Variants in UBE2D3 observed in about 807,000 individuals in gnomAD.
The protein encoded by UBE2D3 is ubiquitin-conjugating enzyme E2 D3.
Under a neutral mutation model 22.8 loss-of-function variants are expected in UBE2D3, and 2 were observed. That is an observed-to-expected ratio of 0.09 (90% confidence interval 0.04 to 0.28). The LOEUF is 0.28. UBE2D3 is among the 10% of genes least tolerant of loss of function. The probability of loss-of-function intolerance (pLI) is 1.00; values close to 1 mark genes in which losing one functional copy is unlikely to be tolerated. For missense variants in UBE2D3, 27 were observed against 182.5 expected, an observed-to-expected ratio of 0.15 and a Z score of 4.91; for synonymous variants, 56 against 60.4, an observed-to-expected ratio of 0.93 and a Z score of 0.34.
chr4:102,812,150 A>C (rs1273533519), intron 2 of UBE2D3: 1 of 159,564 alleles, frequency 6.3e-6, no homozygotes, highest in East Asian at 1.9e-4. Context: ...TAATTTAACA[A>C]GGCATAGTGG....
chr4:102,811,891 CT>C (rs1560856644), intron 2 of UBE2D3: 3 of 351,580 alleles, frequency 8.5e-6, no homozygotes, highest in Non-Finnish European at 5.5e-6. Context: ...CCAGTATCAA[CT>C]GTCTACCACA....
chr4:102,834,761 AG>A (rs1256760689), intron 1 of UBE2D3, among the ~76,000 whole-genome samples: 1 of 151,426 alleles, frequency 6.6e-6, no homozygotes, highest in Non-Finnish European at 1.5e-5. Context: ...AAAAAAAAAA[AG>A]ATTCAACTTT....
intron 2 of UBE2D3, chr4:102,810,677 T>TATAGTCTGCACAATTCAATATGA (rs1453372100): frequency 6.6e-6 from 1 of 152,240 alleles, no homozygotes; most frequent in African/African-American, 2.4e-5. Context: ...GCTCTTAACA[T>TATAGTCTGCACAATTCAATATGA]ATAGTCTGCA....
At chr4:102,849,204 CA>C (rs58647832) in intron 1 of UBE2D3, among the ~76,000 whole-genome samples, 17 of 143,646 alleles carry the variant, frequency 1.2e-4, no homozygotes, top group East Asian at 8.1e-4. Flanking sequence ...CCCACTTCTA[CA>C]AAAAAAAAAC....
At chr4:102,850,907 T>C (rs950260318) in intron 1 of UBE2D3, among the ~76,000 whole-genome samples, 1 of 148,632 alleles carries the variant, frequency 6.7e-6, no homozygotes, top group Non-Finnish European at 1.5e-5. Flanking sequence ...TTAAGAATGA[T>C]ACAGTGGACT....
chr4:102,848,184 C>T (rs1298142103), intron 1 of UBE2D3, among the ~76,000 whole-genome samples: 8 of 152,064 alleles, frequency 5.3e-5, no homozygotes, highest in Non-Finnish European at 1.0e-4. Context: ...ACCTGCTTCA[C>T]TTGATTTCAT....
At chr4:102,823,418 C>A (rs1340097128) in intron 2 of UBE2D3, among the ~76,000 whole-genome samples, 1 of 152,030 alleles carries the variant, frequency 6.6e-6, no homozygotes, top group African/African-American at 2.4e-5. Flanking sequence ...GTTTTTTAAC[C>A]CTTTACCCAT....
intron 1 of UBE2D3, among the ~76,000 whole-genome samples, chr4:102,867,519 G>C (rs1172481049): frequency 6.6e-6 from 1 of 152,176 alleles, no homozygotes; most frequent in Non-Finnish European, 1.5e-5. Flanking sequence ...GTCATAGCAA[G>C]AAAGTTATTT....
At chr4:102,868,879 C>A (rs1023627434), upstream of UBE2D3, 3 of 1,497,160 alleles carry the variant, frequency 2.0e-6, no homozygotes, top group East Asian at 2.4e-5. Context: ...AGTTCCCGCG[C>A]CTCGGCAGTC....
intron 1 of UBE2D3, among the ~76,000 whole-genome samples, chr4:102,848,147 T>C (rs223361): frequency 0.37 from 56,568 of 152,026 alleles, 10,644 homozygotes; most frequent in African/African-American, 0.44. Flanking sequence ...TTATAATTAC[T>C]ATGGTTATCA....
chr4:102,858,762 TATG>T (rs1732742611), intron 1 of UBE2D3, among the ~76,000 whole-genome samples: 1 of 151,968 alleles, frequency 6.6e-6, no homozygotes, highest in African/African-American at 2.4e-5. Context: ...TCTAATCATT[TATG>T]ATAATAACAA....
intron 1 of UBE2D3, among the ~76,000 whole-genome samples, chr4:102,847,017 T>G (rs1732071075): frequency 6.6e-6 from 1 of 152,106 alleles, no homozygotes; most frequent in South Asian, 2.1e-4. Context: ...ACTGAAAGCC[T>G]CTATGCATAG....
At chr4:102,798,577 T>C (rs968007868) in intron 7 of UBE2D3, among the ~76,000 whole-genome samples, 4 of 151,402 alleles carry the variant, frequency 2.6e-5, no homozygotes, top group Non-Finnish European at 5.9e-5. Flanking sequence ...CTTACATTAC[T>C]ATCTCCCGGC....
upstream of UBE2D3, among the ~76,000 whole-genome samples, chr4:102,830,647 T>A (rs977526412): frequency 1.3e-5 from 2 of 152,216 alleles, no homozygotes; most frequent in African/African-American, 4.8e-5. Context: ...AACGATCACT[T>A]GAGCCCAGGA....
chr4:102,829,423 C>G (rs1730984624), upstream of UBE2D3, among the ~76,000 whole-genome samples: 1 of 152,176 alleles, frequency 6.6e-6, no homozygotes, highest in Non-Finnish European at 1.5e-5. Context: ...GGGAGGAACC[C>G]AGATTAGTTA....
chr4:102,822,675 C>T (rs1729801220), intron 2 of UBE2D3, among the ~76,000 whole-genome samples: 1 of 150,680 alleles, frequency 6.6e-6, no homozygotes, highest in African/African-American at 2.5e-5. Context: ...GTGGCTCACG[C>T]CTGTAATCCC....
intron 2 of UBE2D3, among the ~76,000 whole-genome samples, chr4:102,816,009 G>A (rs747868624): frequency 2.6e-5 from 4 of 152,056 alleles, no homozygotes; most frequent in African/African-American, 7.2e-5. Context: ...AATAATTTTT[G>A]TAACATTATA....
At chr4:102,821,568 G>A (rs1293515968) in intron 2 of UBE2D3, among the ~76,000 whole-genome samples, 1 of 151,624 alleles carries the variant, frequency 6.6e-6, no homozygotes, top group Non-Finnish European at 1.5e-5. Flanking sequence ...TGTTTCCAGG[G>A]AAAATGATTT....
At chr4:102,860,229 G>C (rs1732820942) in intron 1 of UBE2D3, among the ~76,000 whole-genome samples, 1 of 151,918 alleles carries the variant, frequency 6.6e-6, no homozygotes, top group African/African-American at 2.4e-5. Context: ...AGCTCACTGA[G>C]ATTCAAGGTG....
Sources: allele counts gnomAD v4.1 joint callset (sites outside exome capture counted in the v4.1 genomes callset), GRCh38; gene constraint gnomAD v4.1.1; transcripts MANE v1.5; gene names NCBI Gene and HGNC (gene_info 2026-07-23, HGNC 2026-07-21).